CERS6: variants seen among roughly 807,000 people sequenced by gnomAD.
CERS6 encodes ceramide synthase 6.
CERS6 carries 26 observed loss-of-function variants against 56.8 expected under a neutral mutation model. That is an observed-to-expected ratio of 0.46 (90% CI 0.34 to 0.63). CERS6 has a LOEUF of 0.63. CERS6 is among the 30% of genes least tolerant of loss of function. The pLI is 0.01. For synonymous variants in CERS6, 164 were observed against 173.3 expected (o/e 0.95, Z 0.42); for missense variants, 415 against 467.5 (o/e 0.89, Z 1.04).
intron 1 of CERS6, among the ~76,000 whole-genome samples, chr2:168,502,120 G>A (rs1381928072): frequency 6.6e-6 from 1 of 152,138 alleles, no homozygotes; most frequent in Non-Finnish European, 1.5e-5. Flanking sequence ...CCTGAGACAC[G>A]ACACTTGGGC....
intron 4 of CERS6, among the ~76,000 whole-genome samples, chr2:168,641,664 C>T (rs1331068255): frequency 6.6e-6 from 1 of 152,092 alleles, no homozygotes; most frequent in Non-Finnish European, 1.5e-5. Context: ...TGTAAAGCAC[C>T]TTGTTTCGTC....
chr2:168,548,496 G>A (rs979571234), intron 2 of CERS6, among the ~76,000 whole-genome samples: 4 of 152,124 alleles, frequency 2.6e-5, no homozygotes, highest in African/African-American at 9.7e-5. Context: ...ATTCTTGTTT[G>A]GACAAGAAAG....
At chr2:168,494,593 G>T (rs1354474813) in intron 1 of CERS6, among the ~76,000 whole-genome samples, 2 of 152,190 alleles carry the variant, frequency 1.3e-5, no homozygotes, top group African/African-American at 4.8e-5. Flanking sequence ...TGAGCTGAGT[G>T]TGTCCTGCTG....
At chr2:168,457,795 G>A (rs1486346951) in intron 1 of CERS6, among the ~76,000 whole-genome samples, 1 of 152,114 alleles carries the variant, frequency 6.6e-6, no homozygotes, top group African/African-American at 2.4e-5. Flanking sequence ...CGTCTTTTGA[G>A]TCATTTGCTG....
chr2:168,766,861 G>A lies in CERS6; in HGVS notation c.1002+1113G>A, dbSNP rs768490755. Among the ~76,000 whole-genome samples the A allele has an allele frequency of 4.6e-5, 7 of 152,238 alleles. No homozygotes were observed. In the South Asian group the frequency reaches 6.2e-4, roughly 14 times the overall value. ...GCAGGGGAAGTCGGGGCATCTAGTC[G>A]TGTACTATGAAGCCACTTCTCAGCA... On this transcript the variant is annotated intron_variant, in intron 9 of 9. Coordinates refer to ENST00000305747, the MANE Select transcript of CERS6 (RefSeq NM_203463.3).
At chr2:168,655,677 A>T (rs539215338) in intron 4 of CERS6, among the ~76,000 whole-genome samples, 95 of 152,374 alleles carry the variant, frequency 6.2e-4, no homozygotes, top group Non-Finnish European at 3.7e-4. Flanking sequence ...GCTCAAATAT[A>T]CAAATACAGA....
At chr2:168,548,815 A>C (rs1695512571) in intron 2 of CERS6, among the ~76,000 whole-genome samples, 1 of 152,174 alleles carries the variant, frequency 6.6e-6, no homozygotes, top group Non-Finnish European at 1.5e-5. Context: ...TCCCTCAAAA[A>C]ATTAAGAAAG....
chr2:168,563,478 T>C (rs942171346), intron 3 of CERS6, among the ~76,000 whole-genome samples: 1 of 152,190 alleles, frequency 6.6e-6, no homozygotes, highest in East Asian at 1.9e-4. Flanking sequence ...TGAGTATGTG[T>C]AGGTCAAAGA....
intron 8 of CERS6, among the ~76,000 whole-genome samples, chr2:168,756,606 A>G (rs535115671): frequency 2.8e-4 from 43 of 152,234 alleles, no homozygotes; most frequent in Non-Finnish European, 5.1e-4. Context: ...AGCCCAAGGG[A>G]TAACACATTG....
At chr2:168,586,538 T>G (rs894971252) in intron 3 of CERS6, among the ~76,000 whole-genome samples, 6 of 152,212 alleles carry the variant, frequency 3.9e-5, no homozygotes. Context: ...TCTTCAAATA[T>G]AGCAAAGACT....
chr2:168,686,539 C>T lies in CERS6; in HGVS notation c.466-4495C>T, dbSNP rs998898616. Among the ~76,000 whole-genome samples the T allele has an allele frequency of 2.0e-5, 3 of 151,750 alleles. No homozygotes were observed. In the South Asian group the frequency reaches 6.2e-4, roughly 32 times the overall value. On this transcript the variant is annotated intron_variant, in intron 4 of 9. Transcript: ENST00000305747. ...TTATGTAACAGTAAGAACTGGTTAC[C>T]CATCTGGACCTGTGGATTGTTCTGT...
intron 1 of CERS6, among the ~76,000 whole-genome samples, chr2:168,504,846 T>G (rs1694647551): frequency 6.6e-6 from 1 of 152,146 alleles, no homozygotes; most frequent in African/African-American, 2.4e-5. Flanking sequence ...GAGGAGACCC[T>G]GCCTTACATT....
intron 3 of CERS6, among the ~76,000 whole-genome samples, chr2:168,572,801 A>G (rs1056688574): frequency 6.6e-6 from 1 of 152,130 alleles, no homozygotes; most frequent in Admixed American, 6.6e-5. Context: ...TTGACCGTCA[A>G]TACCTTGAGT....
intron 8 of CERS6, among the ~76,000 whole-genome samples, chr2:168,728,103 T>C (rs565945511): frequency 5.7e-4 from 87 of 152,298 alleles, no homozygotes; most frequent in Admixed American, 1.1e-3. Context: ...TAAAGTTTTA[T>C]TGGAACACAG....
intron 3 of CERS6, among the ~76,000 whole-genome samples, chr2:168,577,714 G>A (rs1025510120): frequency 6.6e-6 from 1 of 152,164 alleles, no homozygotes; most frequent in East Asian, 1.9e-4. Flanking sequence ...GCATAGGGAG[G>A]CAGAGTCAGG....
chr2:168,566,645 G>C (rs1483416184), intron 3 of CERS6, among the ~76,000 whole-genome samples: 1 of 152,086 alleles, frequency 6.6e-6, no homozygotes, highest in Non-Finnish European at 1.5e-5. Context: ...ATGGAAAGTG[G>C]AGCCTAATAA....
rs183836227 is a variant in CERS6, at chr2:168,610,928, C to T, written c.408-20057C>T. 2.5e-3 allele frequency among the ~76,000 whole-genome samples: 382 copies of T among 152,338 alleles called. 3 individuals carry two copies. The highest frequency in any genetic ancestry group is 4.2e-3 in the Non-Finnish European group (285 of 68,036). On this transcript the variant is annotated intron_variant, in intron 3 of 9. Transcript: ENST00000305747. Reference sequence around the variant, plus strand: ...ATTCAAGCAATTCTCATGCCTCAGCCTCCAGAGTAACTGGAACTACAGGCA... The same window carrying T: ...ATTCAAGCAATTCTCATGCCTCAGCTTCCAGAGTAACTGGAACTACAGGCA...
intron 1 of CERS6, among the ~76,000 whole-genome samples, chr2:168,536,786 T>A (rs1695271628): frequency 6.6e-6 from 1 of 152,044 alleles, no homozygotes; most frequent in Non-Finnish European, 1.5e-5. Flanking sequence ...AGCAGAAAAA[T>A]GTTCAAATGT....
chr2:168,610,236 C>T (rs778066326), intron 3 of CERS6, among the ~76,000 whole-genome samples: 13 of 152,224 alleles, frequency 8.5e-5, no homozygotes, highest in African/African-American at 2.4e-4. Flanking sequence ...CTCGGCCTCC[C>T]AAAGTGCTGG....
Sources: allele counts gnomAD v4.1 joint callset (sites outside exome capture counted in the v4.1 genomes callset), GRCh38; gene constraint gnomAD v4.1.1; transcripts MANE v1.5; gene names NCBI Gene and HGNC (gene_info 2026-07-23, HGNC 2026-07-21).